Variants in RIC3 observed in about 807,000 individuals in gnomAD.
RIC3 encodes protein RIC-3.
RIC3 carries 28 observed loss-of-function variants against 27.3 expected under a neutral mutation model. That is an observed-to-expected ratio of 1.02 (90% CI 0.76 to 1.41). The LOEUF (loss-of-function observed/expected upper bound fraction) is 1.41, where lower values mean the gene tolerates loss of function less well. RIC3 is among the 40% of genes most tolerant of loss of function. The pLI is 0.00. For synonymous variants in RIC3, 184 were observed against 160.4 expected, an observed-to-expected ratio of 1.15 and a Z score of -1.11; for missense variants, 501 against 444.7, an observed-to-expected ratio of 1.13 and a Z score of -1.14.
At chr11:8,127,982 G>A (rs937137152) in intron 4 of RIC3, among the ~76,000 whole-genome samples, 10 of 152,230 alleles carry the variant, frequency 6.6e-5, no homozygotes, top group Admixed American at 2.0e-4. Flanking sequence ...AAAACACCAC[G>A]AGCTCCACTT....
At chr11:8,096,577 G>T in the RIC3 span, 7 of 762,958 alleles carry the variant, frequency 9.2e-6, no homozygotes, top group Non-Finnish European at 1.7e-5. Flanking sequence ...ATAAGTTTGT[G>T]GGGGTACAGG....
rs1950795512 is a variant in RIC3 at position 8,157,719 on chromosome 11, C to A, written c.124+11147G>T. ...TTAGAATCTCAAGATCCTGCCCAGT[C>A]ATTTGTAGGGCTAAAAATAGTTTTT... On this transcript the variant is annotated intron_variant, in intron 1 of 5. Transcript: ENST00000309737. Among the ~76,000 whole-genome samples, 4 of 152,254 alleles carry A rather than the reference C, an allele frequency of 2.6e-5. No individual in the cohort carries two copies. In the South Asian group the frequency reaches 8.3e-4, roughly 32 times the overall value.
At chr11:8,159,606 T>C (rs1348158564) in intron 1 of RIC3, among the ~76,000 whole-genome samples, 1 of 152,192 alleles carries the variant, frequency 6.6e-6, no homozygotes, top group African/African-American at 2.4e-5. Flanking sequence ...TGAATGACCC[T>C]AAACAAAACG....
chr11:8,161,430 GTCTCCC>G (rs1951151413), intron 1 of RIC3, among the ~76,000 whole-genome samples: 1 of 152,132 alleles, frequency 6.6e-6, no homozygotes, highest in Non-Finnish European at 1.5e-5. Flanking sequence ...TAATCCAGAT[GTCTCCC>G]TCTCCCTCAC....
At chr11:8,104,665 ATGT>A (rs1264240716), downstream of RIC3, 1 of 152,176 alleles carries the variant, frequency 6.6e-6, no homozygotes, top group Admixed American at 6.5e-5. Flanking sequence ...CCATCCAAGA[ATGT>A]TGTTAGCTTT....
chr11:8,124,047 C>G (rs1946744157), intron 5 of RIC3, among the ~76,000 whole-genome samples: 1 of 143,714 alleles, frequency 7.0e-6, no homozygotes, highest in African/African-American at 2.6e-5. Flanking sequence ...CCAGCCTGGG[C>G]AACAGGGCAA....
chr11:8,146,998 A>C (rs1365668796), intron 1 of RIC3, among the ~76,000 whole-genome samples: 1 of 152,170 alleles, frequency 6.6e-6, no homozygotes, highest in Non-Finnish European at 1.5e-5. Flanking sequence ...TGGTCCTGGC[A>C]AATCTGCCTC....
rs552918079 is a variant in RIC3 at position 8,107,917 on chromosome 11, AGCCCTG to A, written c.*2775_*2780del. ...TGAAGACCGCAAGAAAAGAGACAGC[AGCCCTG>A]GCAACAAAAACCGGACCCATGATTT... On this transcript the variant is annotated 3_prime_UTR_variant, in exon 6 of 6. Coordinates refer to ENST00000309737, the MANE Select transcript of RIC3 (RefSeq NM_001206671.4). 1.0e-3 allele frequency: 159 copies of A among 152,358 alleles called. No homozygotes were observed. The highest frequency in any genetic ancestry group is 3.0e-3 in the African/African-American group (125 of 41,582). 9.4% of individuals were successfully genotyped at this position (152,358 alleles called of 1,614,324 possible).
At chr11:8,144,131 T>C (rs1393736250) in intron 1 of RIC3, among the ~76,000 whole-genome samples, 1 of 152,212 alleles carries the variant, frequency 6.6e-6, no homozygotes, top group Non-Finnish European at 1.5e-5. Flanking sequence ...AAGGACTTCA[T>C]GTCCAGAACA....
rs1944691282 is a variant in RIC3 at position 8,106,609 on chromosome 11, A to AAAAG, written c.*4085_*4088dup. 6.6e-6 allele frequency: 1 copy of AAAAG among 152,278 alleles called. No individual in the cohort carries two copies. Among genetic ancestry groups the AAAAG allele is most frequent in the African/African-American group, 2.4e-5 (1 of 41,464 alleles). 9.4% of individuals were successfully genotyped at this position (152,278 alleles called of 1,614,324 possible). A position where few individuals can be genotyped will look rare whatever the true frequency, so the allele number is the denominator to read the frequency against. On this transcript the variant is annotated 3_prime_UTR_variant, in exon 6 of 6. Coordinates refer to ENST00000309737, the MANE Select transcript of RIC3 (RefSeq NM_001206671.4). ...AGGGCTGTAGAGATGAAAAAGGTAT[A>AAAAG]AAAGACCCAACCACTTGATGTCTCA...
chr11:8,139,840 C>G (rs1437804447), intron 2 of RIC3, 127 bp downstream of exon 2: 1 of 790,464 alleles, frequency 1.3e-6, no homozygotes, highest in Non-Finnish European at 2.0e-6. Context: ...GAAGAGGAGG[C>G]AGGATTTAAA....
intron 2 of RIC3, chr11:8,139,254 G>A (rs537393551): frequency 1.3e-5 from 2 of 152,572 alleles, no homozygotes; most frequent in Admixed American, 6.5e-5. Flanking sequence ...GGGCGAGAAA[G>A]AACTCATCTT....
chr11:8,155,582 A>G lies in RIC3; in HGVS notation c.124+13284T>C, dbSNP rs892325725. On this transcript the variant is annotated intron_variant, in intron 1 of 5. Coordinates refer to ENST00000309737, the MANE Select transcript of RIC3 (RefSeq NM_001206671.4). ...CAGTGAGACTCCGTTTCAAAAAAAA[A>G]GAAAAGAAAATGGATTTTACAAAGT... is the stretch of plus-strand genomic sequence containing the variant. Among the ~76,000 whole-genome samples the G allele has an allele frequency of 3.3e-5, 5 of 152,210 alleles. No homozygotes were observed. The South Asian group carries it at 1.0e-3, about 31-fold the overall frequency.
At chr11:8,155,843 C>T (rs1950613316) in intron 1 of RIC3, among the ~76,000 whole-genome samples, 1 of 152,136 alleles carries the variant, frequency 6.6e-6, no homozygotes, top group Non-Finnish European at 1.5e-5. Context: ...CCAAGCTTTT[C>T]CCTAAATATT....
In RIC3 at chr11:8,110,854, C is replaced by G; in HGVS notation, c.954G>C (p.Glu318Asp). The change falls in exon 6 of 6, where the codon GAG becomes GAC. Residue 318 changes from glutamate (E) to aspartate (D), a missense_variant. Glu to Asp is a conservative substitution (Grantham distance 45). Transcript: ENST00000309737. ...HEDEDPAVLA[E>D]NAGFSADSYP... ...AGCTATCTGCACTGAATCCAGCATTCTCTGCCAAGACAGCAGGATCCTCGT... is the reference window on the plus strand; with the variant it reads ...AGCTATCTGCACTGAATCCAGCATTGTCTGCCAAGACAGCAGGATCCTCGT... The G allele has an allele frequency of 6.2e-7, 1 of 1,614,206 alleles. No homozygotes were observed. The highest frequency in any genetic ancestry group is 8.5e-7 in the Non-Finnish European group (1 of 1,180,034).
intron 1 of RIC3, among the ~76,000 whole-genome samples, chr11:8,148,714 G>A (rs764600199): frequency 2.8e-4 from 42 of 152,046 alleles, no homozygotes; most frequent in Non-Finnish European, 4.6e-4. Context: ...AGAAGAGAGC[G>A]ATAAAGGTAA....
At chr11:8,155,218 TAAAA>T (rs61400460) in intron 1 of RIC3, among the ~76,000 whole-genome samples, 2 of 121,044 alleles carry the variant, frequency 1.7e-5, no homozygotes, top group South Asian at 2.7e-4. Context: ...GACCCCATCT[TAAAA>T]AAAAAAAAAA....
downstream of RIC3, chr11:8,105,969 T>G (rs1043859039): frequency 1.3e-5 from 2 of 152,124 alleles, no homozygotes; most frequent in African/African-American, 4.8e-5. Context: ...AGACTGTGTA[T>G]GTCTATTTGC....
intron 1 of RIC3, among the ~76,000 whole-genome samples, chr11:8,148,683 G>C (rs1226960986): frequency 6.6e-6 from 1 of 152,060 alleles, no homozygotes; most frequent in Non-Finnish European, 1.5e-5. Context: ...TTATGTTCAA[G>C]ATTCTGCCAT....
Sources: allele counts gnomAD v4.1 joint callset (sites outside exome capture counted in the v4.1 genomes callset), GRCh38; gene constraint gnomAD v4.1.1; transcripts MANE v1.5; gene names NCBI Gene and HGNC (gene_info 2026-07-23, HGNC 2026-07-21).